The following SCGB2B2 variants were observed in gnomAD, a reference collection of about 807,000 sequenced individuals.
The protein encoded by SCGB2B2 is secretoglobin family 2B member 2, also known as secretoglobin-like protein.
SCGB2B2 carries 11 observed loss-of-function variants against 7.6 expected under a neutral mutation model. That is an observed-to-expected ratio of 1.45 (90% CI 0.91 to 2.40). SCGB2B2 has a LOEUF of 2.40. Ranked by LOEUF, SCGB2B2 falls within the 30% of genes most tolerant of loss-of-function variation. The pLI is 0.00. For missense variants in SCGB2B2, 104 were observed against 115.4 expected (o/e 0.90, Z 0.45); for synonymous variants, 50 against 48.6 (o/e 1.03, Z -0.12).
At chr19:34,626,737 A>G (rs2066389466) in intron 1 of SCGB2B2, among the ~76,000 whole-genome samples, 1 of 152,218 alleles carries the variant, frequency 6.6e-6, no homozygotes, top group African/African-American at 2.4e-5. Flanking sequence ...GCCAACATTC[A>G]AACTCAGGAA....
At chr19:34,610,138 T>C (rs1351499262) in intron 1 of SCGB2B2, among the ~76,000 whole-genome samples, 1 of 152,150 alleles carries the variant, frequency 6.6e-6, no homozygotes, top group African/African-American at 2.4e-5. Context: ...GGAATGCTAC[T>C]GATTTTTGTA....
chr19:34,630,707 G>C (rs754710649), intron 1 of SCGB2B2, among the ~76,000 whole-genome samples: 4 of 152,132 alleles, frequency 2.6e-5, no homozygotes, highest in East Asian at 3.8e-4. Flanking sequence ...TCGGTGTGGC[G>C]ATTCCTCAGG....
At chr19:34,662,768 T>C (rs2067496113) in intron 1 of SCGB2B2, among the ~76,000 whole-genome samples, 3 of 151,934 alleles carry the variant, frequency 2.0e-5, no homozygotes. Flanking sequence ...CCGTCTCTAC[T>C]GAAAATACAA....
rs527381406 is a variant in SCGB2B2, at chr19:34,626,047, C to A, written c.-2031-29453G>T. On this transcript the variant is annotated intron_variant, in intron 1 of 3. Transcript: ENST00000601241. ...CCTCCAGCAAACTCCAACAGACCTG[C>A]AGCTGAGGGTCCTGACTGTTAGAAG... is the stretch of plus-strand genomic sequence containing the variant. 1.7e-3 allele frequency among the ~76,000 whole-genome samples: 255 copies of A among 152,370 alleles called. 1 individual carries two copies. The highest frequency in any genetic ancestry group is 5.6e-3 in the African/African-American group (235 of 41,594).
intron 1 of SCGB2B2, chr19:34,646,067 G>A: frequency 4.0e-6 from 1 of 251,082 alleles, no homozygotes; most frequent in Non-Finnish European, 7.9e-6. Context: ...TTGGAATATG[G>A]TAAGTGTGCC....
intron 1 of SCGB2B2, among the ~76,000 whole-genome samples, chr19:34,643,330 T>C (rs1235857335): frequency 1.3e-5 from 2 of 152,134 alleles, no homozygotes; most frequent in Non-Finnish European, 2.9e-5. Flanking sequence ...GAAAGACAAA[T>C]ACCACATGCA....
rs1035469261 is a variant in SCGB2B2, at chr19:34,676,344, C to T, written c.-2746G>A. On this transcript the variant is annotated 5_prime_UTR_variant, in exon 1 of 4. Coordinates refer to ENST00000601241, the MANE Select transcript of SCGB2B2 (RefSeq NM_001025591.4). ...TTAGCACGCTAAGAGAAACGCTCATCAGTGCCATGGCAATTTACAAATGCC... is the reference window on the plus strand; with the variant it reads ...TTAGCACGCTAAGAGAAACGCTCATTAGTGCCATGGCAATTTACAAATGCC... The T allele has an allele frequency of 2.0e-5, 3 of 152,218 alleles. No homozygotes were observed. Among genetic ancestry groups the T allele is most frequent in the Admixed American group, 2.0e-4 (3 of 15,282 alleles). The allele number at this position is 152,218 out of a possible 1,614,324, so 9.4% of individuals were successfully genotyped here.
In SCGB2B2 at chr19:34,663,765, A is replaced by G. The variant is rs567187846; in HGVS notation, c.-2032+11865T>C. On this transcript the variant is annotated intron_variant, in intron 1 of 3. Coordinates refer to ENST00000601241, the MANE Select transcript of SCGB2B2 (RefSeq NM_001025591.4). ...AGGCCATGGGAGGAGGGAAAGGGAG[A>G]AAGGGAAAGTGAAGGGGAGGATAAA... is the stretch of plus-strand genomic sequence containing the variant. Among the ~76,000 whole-genome samples the G allele has an allele frequency of 2.6e-5, 4 of 152,186 alleles. No individual in the cohort carries two copies. The East Asian group carries it at 7.7e-4, about 29-fold the overall frequency.
At chr19:34,629,800 T>C (rs1209177807) in intron 1 of SCGB2B2, among the ~76,000 whole-genome samples, 2 of 151,996 alleles carry the variant, frequency 1.3e-5, no homozygotes, top group Non-Finnish European at 1.5e-5. Context: ...AAGCCCACAT[T>C]GCCAAGTCAA....
At chr19:34,658,813 CAAAAAAAA>C (rs138363297) in intron 1 of SCGB2B2, among the ~76,000 whole-genome samples, 1 of 102,008 alleles carries the variant, frequency 9.8e-6, no homozygotes, top group East Asian at 3.5e-4. Flanking sequence ...ACAACAACAA[CAAAAAAAA>C]AAAAAAAAAA....
intron 1 of SCGB2B2, among the ~76,000 whole-genome samples, chr19:34,664,997 G>A (rs1466312464): frequency 6.6e-6 from 1 of 152,132 alleles, no homozygotes; most frequent in Non-Finnish European, 1.5e-5. Context: ...CACAGGGGAC[G>A]CCCCCACACC....
chr19:34,650,323 T>C (rs1346639716), intron 1 of SCGB2B2, among the ~76,000 whole-genome samples: 1 of 151,292 alleles, frequency 6.6e-6, no homozygotes, highest in Non-Finnish European at 1.5e-5. Context: ...TGGTGCCCCT[T>C]GGCCAAACCT....
At chr19:34,594,432 C>A in intron 2 of SCGB2B2, 71 bp downstream of exon 2, 2 of 1,602,446 alleles carry the variant, frequency 1.2e-6, no homozygotes, top group Non-Finnish European at 1.7e-6. Flanking sequence ...GCCAATGAGA[C>A]CTTGGGATGG....
chr19:34,606,357 C>T (rs569122612), intron 1 of SCGB2B2, among the ~76,000 whole-genome samples: 3 of 151,986 alleles, frequency 2.0e-5, no homozygotes, highest in African/African-American at 7.2e-5. Context: ...CTACATCTTG[C>T]ATGATTTCAT....
intron 1 of SCGB2B2, among the ~76,000 whole-genome samples, chr19:34,658,756 C>G (rs987277713): frequency 1.4e-5 from 2 of 146,432 alleles, no homozygotes; most frequent in Admixed American, 1.4e-4. Context: ...GTTTATGAGG[C>G]CAGCATCATC....
At chr19:34,634,632 T>C (rs1262978500) in intron 1 of SCGB2B2, among the ~76,000 whole-genome samples, 1 of 152,198 alleles carries the variant, frequency 6.6e-6, no homozygotes, top group South Asian at 2.1e-4. Context: ...TTCCAAGGCC[T>C]TCCTCCAGGG....
intron 1 of SCGB2B2, among the ~76,000 whole-genome samples, chr19:34,674,705 G>A (rs909358911): frequency 5.3e-5 from 8 of 152,174 alleles, no homozygotes; most frequent in African/African-American, 1.9e-4. Flanking sequence ...ATGGTGAAGA[G>A]GCAATATATG....
chr19:34,602,643 A>G (rs1218199312), intron 1 of SCGB2B2, among the ~76,000 whole-genome samples: 3 of 152,222 alleles, frequency 2.0e-5, no homozygotes, highest in Non-Finnish European at 4.4e-5. Flanking sequence ...GACTTCCCTT[A>G]GGGCTACAGG....
intron 2 of SCGB2B2, 70 bp downstream of exon 2, chr19:34,594,433 C>G: frequency 6.2e-7 from 1 of 1,602,430 alleles, no homozygotes; most frequent in Non-Finnish European, 8.6e-7. Context: ...CCAATGAGAC[C>G]TTGGGATGGT....
Sources: allele counts gnomAD v4.1 joint callset (sites outside exome capture counted in the v4.1 genomes callset), GRCh38; gene constraint gnomAD v4.1.1; transcripts MANE v1.5; gene names NCBI Gene and HGNC (gene_info 2026-07-23, HGNC 2026-07-21).